The following KCNH5 variants were observed in gnomAD, a reference collection of about 807,000 sequenced individuals.
KCNH5 encodes voltage-gated delayed rectifier potassium channel KCNH5.
Under a neutral mutation model 96.1 loss-of-function variants are expected in KCNH5, and 46 were observed. The observed-to-expected ratio is 0.48, with a 90% CI of 0.38 to 0.61. KCNH5 has a LOEUF of 0.61. Among genes scored for constraint, KCNH5 ranks in the 20% least tolerant of loss-of-function variants. The probability of loss-of-function intolerance (pLI) is 0.00; values close to 1 mark genes in which losing one functional copy is unlikely to be tolerated. For synonymous variants in KCNH5, 439 were observed against 449.8 expected, an observed-to-expected ratio of 0.98 and a Z score of 0.30; for missense variants, 907 against 1,225.8, an observed-to-expected ratio of 0.74 and a Z score of 3.88.
intron 1 of KCNH5, among the ~76,000 whole-genome samples, chr14:63,027,497 C>CT (rs760828616): frequency 2.0e-5 from 3 of 146,898 alleles, no homozygotes; most frequent in Non-Finnish European, 4.5e-5. Context: ...AAAAAAAACT[C>CT]TGAGTTGTTA....
intron 1 of KCNH5, among the ~76,000 whole-genome samples, chr14:63,043,342 A>G (rs776114081): frequency 1.3e-5 from 2 of 152,138 alleles, no homozygotes; most frequent in Non-Finnish European, 2.9e-5. Context: ...AAGTTCTCTC[A>G]TAGACCAAAT....
intron 7 of KCNH5, among the ~76,000 whole-genome samples, chr14:62,893,835 T>C (rs1041234892): frequency 1.3e-5 from 2 of 152,240 alleles, no homozygotes; most frequent in Non-Finnish European, 2.9e-5. Flanking sequence ...GAAGTTCTAT[T>C]GTGGGTAAAA....
chr14:62,817,344 T>C lies in KCNH5; in HGVS notation c.1570-14763A>G, dbSNP rs914763823. ...AAAATAAGAAGTTCAATAAATAAAGTCACAAAAAAGAACCAAACAGGAATT... is the reference window on the plus strand; with the variant it reads ...AAAATAAGAAGTTCAATAAATAAAGCCACAAAAAAGAACCAAACAGGAATT... On this transcript the variant is annotated intron_variant, in intron 8 of 10. Transcript: ENST00000322893. Among the ~76,000 whole-genome samples the C allele has an allele frequency of 2.1e-5, 3 of 142,706 alleles. No homozygotes were observed. In the Admixed American group the frequency reaches 2.2e-4, roughly 10 times the overall value. 93.6% of individuals were successfully genotyped at this position (142,706 alleles called of 152,430 possible). A position where few individuals can be genotyped will look rare whatever the true frequency, so the allele number is the denominator to read the frequency against.
chr14:62,734,499 A>G (rs1566643127), intron 10 of KCNH5, among the ~76,000 whole-genome samples: 2 of 152,092 alleles, frequency 1.3e-5, no homozygotes, highest in East Asian at 1.9e-4. Flanking sequence ...ACCTTTGACC[A>G]TGCTGTTTGA....
intron 9 of KCNH5, among the ~76,000 whole-genome samples, chr14:62,790,234 G>A (rs190747812): frequency 3.5e-4 from 53 of 151,780 alleles, no homozygotes; most frequent in African/African-American, 1.2e-3. Context: ...TTATTTCTGG[G>A]CTCTCTGTTC....
At chr14:62,837,060 A>G (rs915855181) in intron 8 of KCNH5, among the ~76,000 whole-genome samples, 3 of 152,188 alleles carry the variant, frequency 2.0e-5, no homozygotes, top group Non-Finnish European at 4.4e-5. Flanking sequence ...ACAGGAACTC[A>G]GGAATATATA....
Position 62,817,495 on chromosome 14 carries a change from G to A in KCNH5, c.1570-14914C>T, listed in dbSNP as rs879097941. Among the ~76,000 whole-genome samples the A allele has an allele frequency of 8.1e-5, 12 of 148,562 alleles. No homozygotes were observed. The South Asian group carries it at 8.4e-4, about 10-fold the overall frequency. On this transcript the variant is annotated intron_variant, in intron 8 of 10. Transcript: ENST00000322893. ...GTCATTTGAAAATATTCGGTTTGAG[G>A]AGAAAAAAGAATGAAAAAGAGTGAA...
At chr14:62,902,319 T>G (rs1489835928) in intron 7 of KCNH5, among the ~76,000 whole-genome samples, 1 of 152,038 alleles carries the variant, frequency 6.6e-6, no homozygotes, top group Non-Finnish European at 1.5e-5. Flanking sequence ...TTTCCTAGTT[T>G]TTTTTTTTCT....
intron 2 of KCNH5, among the ~76,000 whole-genome samples, chr14:63,010,455 G>A (rs552945643): frequency 1.3e-5 from 2 of 152,254 alleles, no homozygotes; most frequent in East Asian, 3.9e-4. Context: ...GTGTCACTGT[G>A]TCTTAAAGGG....
At chr14:62,884,335 G>A (rs529753086) in intron 7 of KCNH5, among the ~76,000 whole-genome samples, 37 of 152,252 alleles carry the variant, frequency 2.4e-4, no homozygotes, top group Non-Finnish European at 4.6e-4. Flanking sequence ...TTTAAAAATG[G>A]AAATAATGGC....
intron 1 of KCNH5, among the ~76,000 whole-genome samples, chr14:63,017,717 T>G (rs1010195952): frequency 6.6e-6 from 1 of 151,194 alleles, no homozygotes; most frequent in Non-Finnish European, 1.5e-5. Flanking sequence ...AAAATAATAT[T>G]AAAATATATA....
chr14:62,909,744 A>G (rs575259318), intron 7 of KCNH5, among the ~76,000 whole-genome samples: 16 of 152,042 alleles, frequency 1.1e-4, no homozygotes, highest in Non-Finnish European at 2.1e-4. Context: ...CTATTTGTCC[A>G]GAGTGAGCCC....
At position 63,001,448 on chromosome 14, in the gene KCNH5, A is replaced by T. The variant is rs532574076; in HGVS notation, c.316T>A (p.Trp106Arg). Reference sequence around the variant, plus strand: ...ATTGGTGCAATTTGCATATAAAACCAAACAGGGGTTCCTGTAACAGAAAGA... The same window carrying T: ...ATTGGTGCAATTTGCATATAAAACCTAACAGGGGTTCCTGTAACAGAAAGA... Reference protein sequence around the residue: ...LLYKKNRTPVWFYMQIAPIRN... With the variant: ...LLYKKNRTPVRFYMQIAPIRN... Residue 106 changes from tryptophan (W) to arginine (R), a missense_variant, in exon 4 of 11, where the codon TGG becomes AGG. Physicochemically the swap from Trp to Arg is moderately radical, Grantham distance 101 (BLOSUM62 -3). Around this residue, in one of 6 missense-constraint regions of KCNH5, gnomAD observed 370 missense variants for 561.3 expected, o/e 0.66. Transcript: ENST00000322893. The T allele has an allele frequency of 4.3e-6, 7 of 1,611,010 alleles. No individual in the cohort carries two copies. In the South Asian group the frequency reaches 7.8e-5, roughly 18 times the overall value.
intron 7 of KCNH5, among the ~76,000 whole-genome samples, chr14:62,937,298 T>G (rs1467466738): frequency 2.6e-5 from 4 of 152,194 alleles, no homozygotes; most frequent in Admixed American, 2.6e-4. Flanking sequence ...CTCCTTGACC[T>G]GTCTGTCTTC....
intron 8 of KCNH5, among the ~76,000 whole-genome samples, chr14:62,841,495 A>G (rs1887584641): frequency 6.6e-6 from 1 of 151,844 alleles, no homozygotes; most frequent in Admixed American, 6.6e-5. Flanking sequence ...ATTTTTCCCC[A>G]AAGTCTAACG....
chr14:62,817,223 TA>T (rs908100550), intron 8 of KCNH5, among the ~76,000 whole-genome samples: 5 of 136,928 alleles, frequency 3.7e-5, no homozygotes, highest in Admixed American at 8.4e-5. Context: ...ATATTATATA[TA>T]ATATAATACA....
intron 7 of KCNH5, among the ~76,000 whole-genome samples, chr14:62,858,562 GT>G (rs1887973969): frequency 6.6e-6 from 1 of 152,172 alleles, no homozygotes; most frequent in Non-Finnish European, 1.5e-5. Flanking sequence ...AAGTGTCCAG[GT>G]GGCAATCTTA....
rs1039615009 is a variant in KCNH5 at position 62,846,598 on chromosome 14, T to C, written c.1569+3055A>G. Among the ~76,000 whole-genome samples, 7 of 151,726 alleles carry C rather than the reference T, an allele frequency of 4.6e-5. No homozygotes were observed. In the South Asian group the frequency reaches 8.3e-4, roughly 18 times the overall value. ...TATAAATATTTTCTTAGATTTTTAG[T>C]TCATTTTATAATGATATTAAGTAGT... On this transcript the variant is annotated intron_variant, in intron 8 of 10. Coordinates refer to ENST00000322893, the MANE Select transcript of KCNH5 (RefSeq NM_139318.5).
In KCNH5 at chr14:62,909,524, A is replaced by G. The variant is rs111999304; in HGVS notation, c.1369+40609T>C. On this transcript the variant is annotated intron_variant, in intron 7 of 10. Coordinates refer to ENST00000322893, the MANE Select transcript of KCNH5 (RefSeq NM_139318.5). ...CAGGTTGCTCAGGCCAAAAACCTCA[A>G]CCTCTCTCTCTCTTCCTCTCACACC... 7.6e-3 allele frequency among the ~76,000 whole-genome samples: 1,161 copies of G among 152,076 alleles called. 10 individuals carry two copies. Among genetic ancestry groups the G allele is most frequent in the African/African-American group, 0.027 (1,121 of 41,474 alleles).
Sources: allele counts gnomAD v4.1 joint callset (sites outside exome capture counted in the v4.1 genomes callset), GRCh38; gene constraint gnomAD v4.1.1; regional missense constraint gnomAD v4.1.1; transcripts MANE v1.5; gene names NCBI Gene and HGNC (gene_info 2026-07-23, HGNC 2026-07-21).